SORBS2: variants seen among roughly 807,000 people sequenced by gnomAD.
SORBS2 encodes the protein sorbin and SH3 domain-containing protein 2.
SORBS2 carries 46 observed loss-of-function variants against 97.7 expected under a neutral mutation model. That is an observed-to-expected ratio of 0.47 (90% CI 0.37 to 0.60). The LOEUF is 0.60. Ranked by LOEUF, SORBS2 falls within the 20% of genes least tolerant of loss-of-function variation. The pLI is 0.00. For missense variants in SORBS2, 1,316 were observed against 1,282.3 expected, an observed-to-expected ratio of 1.03 and a Z score of -0.40; for synonymous variants, 476 against 473.4, an observed-to-expected ratio of 1.01 and a Z score of -0.07.
intron 1 of SORBS2, among the ~76,000 whole-genome samples, chr4:185,907,138 CAAAAA>C (rs1401461983): frequency 1.5e-5 from 1 of 68,620 alleles, no homozygotes. Context: ...TCCATCATAA[CAAAAA>C]AAAAAAAAAA....
intron 1 of SORBS2, among the ~76,000 whole-genome samples, chr4:185,954,756 G>A (rs183286854): frequency 4.6e-5 from 7 of 152,176 alleles, no homozygotes; most frequent in Non-Finnish European, 7.4e-5. Flanking sequence ...TCAGGAGTTC[G>A]AGACAAGACT....
intron 2 of SORBS2, chr4:185,771,197 G>T (rs539424022): frequency 1.3e-5 from 2 of 149,166 alleles, no homozygotes; most frequent in East Asian, 2.0e-4. Flanking sequence ...CACCATTTTG[G>T]TCAGGCTGGT....
intron 1 of SORBS2, among the ~76,000 whole-genome samples, chr4:185,831,568 G>A (rs746432327): frequency 3.3e-5 from 5 of 152,190 alleles, no homozygotes; most frequent in Non-Finnish European, 5.9e-5. Context: ...CACCTGGCCA[G>A]ATCACACATT....
At chr4:185,744,817 C>A (rs1052201462) in intron 2 of SORBS2, among the ~76,000 whole-genome samples, 1 of 152,248 alleles carries the variant, frequency 6.6e-6, no homozygotes, top group East Asian at 1.9e-4. Flanking sequence ...CTGGCTCCTA[C>A]CATTCAGACT....
chr4:185,590,617 C>T (rs1404651073), intron 13 of SORBS2, among the ~76,000 whole-genome samples: 1 of 152,134 alleles, frequency 6.6e-6, no homozygotes, highest in Non-Finnish European at 1.5e-5. Flanking sequence ...TGATAGAATG[C>T]TATCACTTTC....
At chr4:185,740,838 C>CCAGCACCAACTCAGAT in intron 2 of SORBS2, among the ~76,000 whole-genome samples, 1 of 152,208 alleles carries the variant, frequency 6.6e-6, no homozygotes, top group Non-Finnish European at 1.5e-5. Flanking sequence ...CTAACTCAGC[C>CCAGCACCAACTCAGAT]CAGCACCAAC....
chr4:185,837,328 C>T (rs547831054), intron 1 of SORBS2, among the ~76,000 whole-genome samples: 7 of 152,128 alleles, frequency 4.6e-5, no homozygotes, highest in South Asian at 4.2e-4. Flanking sequence ...TTGCAGCTGT[C>T]CTGGGAAAAC....
intron 2 of SORBS2, among the ~76,000 whole-genome samples, chr4:185,723,399 TA>T (rs2153562589): frequency 6.6e-6 from 1 of 152,356 alleles, no homozygotes; most frequent in Admixed American, 6.5e-5. Context: ...GGGTATGTTT[TA>T]ATGTGCTAAA....
At position 185,607,204 on chromosome 4, in the gene SORBS2, C is replaced by T. The variant is rs1378710225; in HGVS notation, c.2796+4576G>A. The T allele has an allele frequency of 9.6e-6, 11 of 1,141,016 alleles. No homozygotes were observed. Among genetic ancestry groups the T allele is most frequent in the Admixed American group, 4.5e-5 (1 of 22,344 alleles). 70.7% of individuals were successfully genotyped at this position (1,141,016 alleles called of 1,614,324 possible). On this transcript the variant is annotated intron_variant, in intron 12 of 14. Transcript: ENST00000418609. The surrounding 1 kb of genome is among the most constrained non-coding windows in gnomAD (Gnocchi z 5.2). Reference sequence around the variant, plus strand: ...TTCACCCAAGAAGTTGTCCAGGAAACGAGGTGGTGTTGGGGCCAAAGGGTT... The same window carrying T: ...TTCACCCAAGAAGTTGTCCAGGAAATGAGGTGGTGTTGGGGCCAAAGGGTT...
At chr4:185,698,080 A>G (rs534610124) in intron 2 of SORBS2, among the ~76,000 whole-genome samples, 6 of 152,326 alleles carry the variant, frequency 3.9e-5, no homozygotes, top group Non-Finnish European at 8.8e-5. Flanking sequence ...TGAGGATAAG[A>G]TAAATGGATG....
chr4:185,910,976 C>T (rs1293644459), intron 1 of SORBS2, among the ~76,000 whole-genome samples: 1 of 151,720 alleles, frequency 6.6e-6, no homozygotes, highest in Non-Finnish European at 1.5e-5. Context: ...AAAAAAACTT[C>T]CCTTGGAAAA....
chr4:185,836,358 T>C (rs1411082941), intron 1 of SORBS2, among the ~76,000 whole-genome samples: 1 of 152,144 alleles, frequency 6.6e-6, no homozygotes. Flanking sequence ...ATTGCTCTCA[T>C]CAGAGTAGAC....
At chr4:185,852,189 A>C (rs1257777467) in intron 1 of SORBS2, among the ~76,000 whole-genome samples, 1 of 152,128 alleles carries the variant, frequency 6.6e-6, no homozygotes, top group East Asian at 1.9e-4. Flanking sequence ...GCACTCTCTA[A>C]AACTGTAAAT....
intron 2 of SORBS2, among the ~76,000 whole-genome samples, chr4:185,710,538 G>A (rs552963008): frequency 1.3e-5 from 2 of 152,340 alleles, no homozygotes; most frequent in African/African-American, 4.8e-5. Flanking sequence ...TGGAATGAAT[G>A]TGTTTTCTCC....
At chr4:185,632,804 C>A (rs1309709682) in intron 4 of SORBS2, among the ~76,000 whole-genome samples, 3 of 152,176 alleles carry the variant, frequency 2.0e-5, no homozygotes, top group African/African-American at 7.2e-5. Flanking sequence ...GGCTAAGAAA[C>A]TACTATTTCT....
intron 6 of SORBS2, among the ~76,000 whole-genome samples, chr4:185,625,304 T>A (rs1379150325): frequency 6.6e-6 from 1 of 152,228 alleles, no homozygotes; most frequent in Non-Finnish European, 1.5e-5. Context: ...ATAATAGAGA[T>A]CTACATTTGG....
intron 3 of SORBS2, 79 bp from the exon 7 acceptor site, chr4:185,678,626 C>T (rs1366874856): frequency 2.8e-6 from 4 of 1,404,870 alleles, no homozygotes; most frequent in Admixed American, 2.9e-5. Flanking sequence ...ATTTTTATTT[C>T]CAAAATCATT....
At chr4:185,744,413 G>A (rs1367936923) in intron 2 of SORBS2, among the ~76,000 whole-genome samples, 5 of 152,176 alleles carry the variant, frequency 3.3e-5, no homozygotes, top group Non-Finnish European at 5.9e-5. Context: ...CTAGTCTACA[G>A]TGTACTGTTG....
exon 15 of SORBS2, chr4:185,586,079 T>A (rs201066408): frequency 9.2e-6 from 1 of 108,434 alleles, no homozygotes; most frequent in Non-Finnish European, 2.1e-5. Flanking sequence ...CAACAACTAG[T>A]CTGTACAAAA....
Sources: allele counts gnomAD v4.1 joint callset (sites outside exome capture counted in the v4.1 genomes callset), GRCh38; gene constraint gnomAD v4.1.1; non-coding constraint Gnocchi (gnomAD v3.1); transcripts MANE v1.5; gene names NCBI Gene and HGNC (gene_info 2026-07-23, HGNC 2026-07-21).